Variants in NME9 observed in about 807,000 individuals in gnomAD.
NME9 encodes NME/NM23 family member 9.
In NME9, 48 loss-of-function variants were observed where a neutral mutation model predicts 44.4. That is an observed-to-expected ratio of 1.08 (90% CI 0.86 to 1.37). NME9 has a LOEUF of 1.37. NME9 is among the 40% of genes most tolerant of loss of function. The pLI, the probability that NME9 is intolerant of heterozygous loss-of-function variation, is 0.00. For synonymous variants in NME9, 139 were observed against 147.1 expected, an observed-to-expected ratio of 0.94 and a Z score of 0.40; for missense variants, 325 against 405.2, an observed-to-expected ratio of 0.80 and a Z score of 1.70.
chr3:138,323,955 C>T (rs1191261061), intron 2 of NME9, among the ~76,000 whole-genome samples: 1 of 152,166 alleles, frequency 6.6e-6, no homozygotes, highest in Non-Finnish European at 1.5e-5. Flanking sequence ...TGGGCTGGAC[C>T]TAGTGACCAG....
At chr3:138,265,261 C>T (rs2048169905) in intron 8 of NME9, among the ~76,000 whole-genome samples, 1 of 151,868 alleles carries the variant, frequency 6.6e-6, no homozygotes. Flanking sequence ...CTTTTGTCCC[C>T]CCCAAAAAAG....
chr3:138,305,693 T>A (rs2052200073), intron 8 of NME9, among the ~76,000 whole-genome samples: 1 of 152,224 alleles, frequency 6.6e-6, no homozygotes, highest in African/African-American at 2.4e-5. Context: ...AGGCTTTGCT[T>A]CGAGATCCCT....
At chr3:138,323,617 C>G (rs1156390336) in intron 2 of NME9, among the ~76,000 whole-genome samples, 1 of 152,122 alleles carries the variant, frequency 6.6e-6, no homozygotes, top group African/African-American at 2.4e-5. Context: ...TAATTTTGCA[C>G]TGGGTCTGGG....
chr3:138,326,306 G>C (rs2053783369), intron 1 of NME9, among the ~76,000 whole-genome samples: 1 of 148,384 alleles, frequency 6.7e-6, no homozygotes, highest in African/African-American at 2.6e-5. Context: ...TTTGATCACT[G>C]GATTAACATG....
chr3:138,313,762 T>TG (rs768127915), intron 6 of NME9, among the ~76,000 whole-genome samples: 4 of 152,168 alleles, frequency 2.6e-5, no homozygotes, highest in Non-Finnish European at 5.9e-5. Context: ...TGTGGCAACA[T>TG]GGATAGAACT....
chr3:138,294,884 TTTTG>T (rs900409171), intron 8 of NME9, among the ~76,000 whole-genome samples: 8 of 151,682 alleles, frequency 5.3e-5, no homozygotes, highest in African/African-American at 1.5e-4. Flanking sequence ...TTTTGGGTTT[TTTTG>T]TTTGTTTTTT....
intron 8 of NME9, among the ~76,000 whole-genome samples, chr3:138,269,691 G>A (rs995925620): frequency 2.6e-5 from 4 of 152,168 alleles, no homozygotes; most frequent in Non-Finnish European, 5.9e-5. Context: ...CGAAAGATGA[G>A]AGTGGGGAGC....
At chr3:138,315,485 G>A (rs758891265) in intron 5 of NME9, 42 bp downstream of exon 5, 8 of 1,331,626 alleles carry the variant, frequency 6.0e-6, no homozygotes, top group African/African-American at 1.4e-5. Flanking sequence ...CCCTACTAGC[G>A]CACTTGTGAG....
At chr3:138,274,107 C>T (rs543165128) in intron 8 of NME9, among the ~76,000 whole-genome samples, 1 of 152,212 alleles carries the variant, frequency 6.6e-6, no homozygotes, top group Non-Finnish European at 1.5e-5. Flanking sequence ...CGTGAGCGTA[C>T]CGTACTTGGC....
At chr3:138,275,982 T>A (rs536977263) in intron 8 of NME9, among the ~76,000 whole-genome samples, 3 of 152,104 alleles carry the variant, frequency 2.0e-5, no homozygotes, top group Admixed American at 1.3e-4. Context: ...AAATAAACCA[T>A]TGTACTTTGA....
At chr3:138,269,795 A>G (rs2048606641) in intron 8 of NME9, among the ~76,000 whole-genome samples, 1 of 150,874 alleles carries the variant, frequency 6.6e-6, no homozygotes, top group Non-Finnish European at 1.5e-5. Context: ...AGGAAATGAC[A>G]GAGTGGTTTG....
intron 8 of NME9, chr3:138,267,267 A>G: frequency 7.1e-7 from 1 of 1,407,966 alleles, no homozygotes; most frequent in South Asian, 1.3e-5. Context: ...CTTTTCCTAG[A>G]CTTTGCCCAG....
chr3:138,311,149 T>C (rs371049484), intron 6 of NME9, among the ~76,000 whole-genome samples: 9 of 151,980 alleles, frequency 5.9e-5, no homozygotes, highest in South Asian at 2.1e-4. Flanking sequence ...CTAAAAGAAA[T>C]AGATAAATTC....
At chr3:138,280,400 C>T (rs1257614335) in intron 8 of NME9, among the ~76,000 whole-genome samples, 1 of 151,918 alleles carries the variant, frequency 6.6e-6, no homozygotes, top group Non-Finnish European at 1.5e-5. Flanking sequence ...TCACTGCAGC[C>T]TCCACCTCCT....
chr3:138,301,761 T>C, intron 10 of NME9, 57 bp from the exon 11 acceptor site: 1 of 1,348,292 alleles, frequency 7.4e-7, no homozygotes, highest in East Asian at 2.5e-5. Context: ...CCAGACCTTC[T>C]GTCCCACCCA....
At chr3:138,319,121 G>C (rs1309858023) in intron 3 of NME9, among the ~76,000 whole-genome samples, 1 of 152,156 alleles carries the variant, frequency 6.6e-6, no homozygotes, top group East Asian at 1.9e-4. Flanking sequence ...GATCACTTGA[G>C]GCTGGGAGGC....
rs547726493 is a variant in NME9, at chr3:138,288,635, CTT to C, written c.745+14870_745+14871del. Reference sequence around the variant, plus strand: ...TTGAGTTTGAGGACTCTTCTTCAGACTTTTTTTTTTTTTTTTTTTTTGAGACG... The same window carrying C: ...TTGAGTTTGAGGACTCTTCTTCAGACTTTTTTTTTTTTTTTTTTTGAGACG... On this transcript the variant is annotated intron_variant, in intron 8 of 8. Transcript: ENST00000317876. Among the ~76,000 whole-genome samples the C allele has an allele frequency of 8.3e-3, 911 of 109,672 alleles. 1 individual carries two copies. The highest frequency in any genetic ancestry group is 0.013 in the Non-Finnish European group (645 of 51,526). The allele number at this position is 109,672 out of a possible 152,430, so 71.9% of individuals were successfully genotyped here. A position where few individuals can be genotyped will look rare whatever the true frequency, so the allele number is the denominator to read the frequency against.
At chr3:138,265,257 TC>T (rs967971226) in intron 8 of NME9, among the ~76,000 whole-genome samples, 7 of 151,374 alleles carry the variant, frequency 4.6e-5, no homozygotes, top group Admixed American at 1.3e-4. Context: ...GCCCCTTTTG[TC>T]CCCCCCAAAA....
chr3:138,267,210 ATCT>A (rs1337457501), intron 8 of NME9: 10 of 1,579,978 alleles, frequency 6.3e-6, no homozygotes, highest in Admixed American at 1.8e-5. Context: ...ATGCTGTGTA[ATCT>A]TCTTCTTGAA....
Sources: gnomAD v4.1 joint callset for allele counts (sites outside exome capture counted in the v4.1 genomes callset) on GRCh38, gnomAD v4.1.1 for gene constraint, MANE v1.5 for transcripts, NCBI Gene and HGNC (gene_info 2026-07-23, HGNC 2026-07-21) for gene names.